Variants in TENM3 observed in about 807,000 individuals in gnomAD.
The protein encoded by TENM3 is teneurin-3.
In TENM3, 63 loss-of-function variants were observed where a neutral mutation model predicts 255.1. The ratio of observed to expected loss-of-function variants is 0.25; its 90% CI spans 0.20 to 0.30. The LOEUF (loss-of-function observed/expected upper bound fraction) is 0.30. Among genes scored for constraint, TENM3 ranks in the 10% least tolerant of loss-of-function variants. The probability of loss-of-function intolerance (pLI) is 1.00; values close to 1 mark genes in which losing one functional copy is unlikely to be tolerated. For missense variants in TENM3, 2,929 were observed against 3,461.1 expected (o/e 0.85, Z 3.86); for synonymous variants, 1,306 against 1,322.3 (o/e 0.99, Z 0.27).
Position 182,527,889 on chromosome 4 carries a change from G to A in TENM3, c.512-73035G>A, listed in dbSNP as rs561647813. On this transcript the variant is annotated intron_variant, in intron 3 of 27. Transcript: ENST00000511685. ...ACTACAGGCACATGCTGCCACGCCC[G>A]GCTAATTTTTGTATTTTTAGTAGAG... 5.9e-5 allele frequency among the ~76,000 whole-genome samples: 9 copies of A among 151,974 alleles called. No homozygotes were observed. The East Asian group carries it at 1.2e-3, about 20-fold the overall frequency.
At chr4:182,648,430 C>G (rs1431000680) in intron 5 of TENM3, among the ~76,000 whole-genome samples, 1 of 151,860 alleles carries the variant, frequency 6.6e-6, no homozygotes, top group Admixed American at 6.6e-5. Context: ...ATTACAGGCG[C>G]CTGCCACTAC....
At chr4:181,470,108 T>TAAAAAAAAAAAAAAAAAAAAAAAAAAAA in the TENM3 span, among the ~76,000 whole-genome samples, 2 of 112,744 alleles carry the variant, frequency 1.8e-5, no homozygotes, top group African/African-American at 3.3e-5. Flanking sequence ...ATAGCTTCTG[T>TAAAAAAAAAAAAAAAAAAAAAAAAAAAA]AAAAAAAAAA....
At chr4:181,881,905 G>C in the TENM3 span, among the ~76,000 whole-genome samples, 1 of 152,104 alleles carries the variant, frequency 6.6e-6, no homozygotes, top group African/African-American at 2.4e-5. Flanking sequence ...AACTTTTAAT[G>C]ACAGTCTTCT....
chr4:181,807,073 G>T, the TENM3 span, among the ~76,000 whole-genome samples: 1 of 152,068 alleles, frequency 6.6e-6, no homozygotes, highest in Non-Finnish European at 1.5e-5. Context: ...GAAGTTTCCC[G>T]TCTCAGATAC....
chr4:182,164,926 A>T (rs571466768), intron 1 of TENM3, among the ~76,000 whole-genome samples: 138 of 152,314 alleles, frequency 9.1e-4, no homozygotes, highest in African/African-American at 3.2e-3. Flanking sequence ...CCATTTTGGA[A>T]ATGAGATACT....
At chr4:182,720,084 A>G (rs1270484603) in intron 13 of TENM3, among the ~76,000 whole-genome samples, 3 of 152,048 alleles carry the variant, frequency 2.0e-5, no homozygotes, top group African/African-American at 4.8e-5. Context: ...ACACACAAAC[A>G]AACTGCAATA....
the TENM3 span, among the ~76,000 whole-genome samples, chr4:182,004,189 T>C: frequency 6.6e-6 from 1 of 152,054 alleles, no homozygotes; most frequent in Admixed American, 6.6e-5. Flanking sequence ...GCTGCACCTA[T>C]TGACACGTTC....
chr4:182,208,984 T>C (rs1438595826), intron 1 of TENM3, among the ~76,000 whole-genome samples: 1 of 152,008 alleles, frequency 6.6e-6, no homozygotes, highest in African/African-American at 2.4e-5. Flanking sequence ...TTTTTTTTTT[T>C]TGAGATGGAG....
At chr4:182,361,581 A>C (rs538490119) in intron 3 of TENM3, among the ~76,000 whole-genome samples, 4 of 151,958 alleles carry the variant, frequency 2.6e-5, no homozygotes, top group African/African-American at 4.8e-5. Context: ...CAGCTCCTTT[A>C]AGCACTTCTC....
At chr4:182,361,503 T>C (rs1765976644) in intron 3 of TENM3, among the ~76,000 whole-genome samples, 1 of 152,220 alleles carries the variant, frequency 6.6e-6, no homozygotes, top group African/African-American at 2.4e-5. Flanking sequence ...TTCTTCCAGT[T>C]GATCGCATCG....
At chr4:181,611,139 A>T in the TENM3 span, among the ~76,000 whole-genome samples, 1 of 152,218 alleles carries the variant, frequency 6.6e-6, no homozygotes, top group Non-Finnish European at 1.5e-5. Context: ...GATGGATTTA[A>T]ATTAGTACAC....
the TENM3 span, among the ~76,000 whole-genome samples, chr4:181,794,823 A>C: frequency 6.6e-6 from 1 of 152,106 alleles, no homozygotes; most frequent in Admixed American, 6.6e-5. Flanking sequence ...CATTTCAGGA[A>C]CTAAAACCTT....
intron 5 of TENM3, among the ~76,000 whole-genome samples, chr4:182,645,376 A>G (rs1752652501): frequency 6.6e-6 from 1 of 152,132 alleles, no homozygotes; most frequent in Admixed American, 6.5e-5. Context: ...ATATTATAAA[A>G]GTGGTTAACA....
intron 7 of TENM3, among the ~76,000 whole-genome samples, chr4:182,676,213 T>C (rs534769426): frequency 2.6e-5 from 4 of 152,232 alleles, no homozygotes; most frequent in Non-Finnish European, 4.4e-5. Flanking sequence ...GCCCGTTTGA[T>C]TGTTGCCAAG....
intron 6 of TENM3, among the ~76,000 whole-genome samples, chr4:182,657,944 C>T (rs1192838953): frequency 6.6e-6 from 1 of 152,254 alleles, no homozygotes; most frequent in Non-Finnish European, 1.5e-5. Flanking sequence ...GCGTGAGCCA[C>T]CTCGCCCGGT....
chr4:181,733,218 A>T, the TENM3 span, among the ~76,000 whole-genome samples: 1 of 152,198 alleles, frequency 6.6e-6, no homozygotes, highest in Admixed American at 6.5e-5. Flanking sequence ...AAATGAAGAA[A>T]GGTACATAGA....
intron 13 of TENM3, among the ~76,000 whole-genome samples, chr4:182,728,270 C>T (rs1201788510): frequency 6.6e-6 from 1 of 152,206 alleles, no homozygotes; most frequent in Non-Finnish European, 1.5e-5. Context: ...CTTCGTCCTA[C>T]ATAGATTCCT....
At chr4:181,456,391 A>C in the TENM3 span, among the ~76,000 whole-genome samples, 1 of 151,884 alleles carries the variant, frequency 6.6e-6, no homozygotes, top group Admixed American at 6.6e-5. Context: ...TTGACATAAC[A>C]CAGATAAGGC....
In TENM3 at chr4:182,559,209, C is replaced by G. The variant is rs183919742; in HGVS notation, c.512-41715C>G. On this transcript the variant is annotated intron_variant, in intron 3 of 27. Coordinates refer to ENST00000511685, the MANE Select transcript of TENM3 (RefSeq NM_001080477.4). The stretch of plus-strand genomic sequence containing the variant: ...AAATATTTTATAGCGCTTACGTTAA[C>G]TGACATTTTAAAAGCAGTTTATGTT... 3.0e-5 allele frequency among the ~76,000 whole-genome samples: 4 copies of G among 133,628 alleles called. No homozygotes were observed. In the East Asian group the frequency reaches 9.2e-4, roughly 31 times the overall value. 87.7% of individuals were successfully genotyped at this position (133,628 alleles called of 152,430 possible). A position where few individuals can be genotyped will look rare whatever the true frequency, so the allele number is the denominator to read the frequency against.
Sources: allele counts gnomAD v4.1 joint callset (sites outside exome capture counted in the v4.1 genomes callset), GRCh38; gene constraint gnomAD v4.1.1; transcripts MANE v1.5; gene names NCBI Gene and HGNC (gene_info 2026-07-23, HGNC 2026-07-21).